The following ABCA4 variants were observed in gnomAD, a reference collection of about 807,000 sequenced individuals.
The protein encoded by ABCA4 is ATP binding cassette subfamily A member 4.
In ABCA4, 196 loss-of-function variants were observed where a neutral mutation model predicts 263.7. That is an observed-to-expected ratio of 0.74 (90% CI 0.66 to 0.84). The LOEUF (loss-of-function observed/expected upper bound fraction) is 0.84. ABCA4 is among the 40% of genes least tolerant of loss of function. The pLI is 0.00. For missense variants in ABCA4, 2,792 were observed against 2,855.1 expected, an observed-to-expected ratio of 0.98 and a Z score of 0.50; for synonymous variants, 1,133 against 1,094.2, an observed-to-expected ratio of 1.04 and a Z score of -0.70.
chr1:94,055,908 G>C (rs1660966396), intron 15 of ABCA4, among the ~76,000 whole-genome samples: 1 of 152,204 alleles, frequency 6.6e-6, no homozygotes, highest in East Asian at 1.9e-4. Flanking sequence ...CAGAGACAGG[G>C]AGACTCCGGA....
chr1:94,035,254 T>C (rs2101041050), intron 26 of ABCA4, among the ~76,000 whole-genome samples: 1 of 152,370 alleles, frequency 6.6e-6, no homozygotes, highest in South Asian at 2.1e-4. Context: ...TAAATTAGCA[T>C]ATTTTCATTC....
At chr1:94,047,229 G>T in intron 18 of ABCA4, 136 bp from the exon 19 acceptor site, 1 of 921,794 alleles carries the variant, frequency 1.1e-6, no homozygotes, top group Non-Finnish European at 1.7e-6. Flanking sequence ...TTGCAAGGAA[G>T]ACTCCAGAAT....
rs35998587 is a variant in ABCA4, at chr1:94,028,930, A to AAAAAAAAAC, written c.4539+514_4539+515insGTTTTTTTT. On this transcript the variant is annotated intron_variant, in intron 30 of 49. Coordinates refer to ENST00000370225, the MANE Select transcript of ABCA4 (RefSeq NM_000350.3). ...TCAAAAAAAAAAAAAAAAAAAAAAA[A>AAAAAAAAAC]GAAATTCAAACAATGGGATAATATA... 6.9e-4 allele frequency among the ~76,000 whole-genome samples: 75 copies of AAAAAAAAAC among 108,028 alleles called. 6 individuals are homozygous for AAAAAAAAAC. The highest frequency in any genetic ancestry group is 1.9e-3 in the African/African-American group (51 of 26,360). 70.9% of individuals were successfully genotyped at this position (108,028 alleles called of 152,430 possible). A position where few individuals can be genotyped will look rare whatever the true frequency, so the allele number is the denominator to read the frequency against.
At chr1:94,005,036 G>T (rs1039230336) in intron 44 of ABCA4, among the ~76,000 whole-genome samples, 1 of 152,138 alleles carries the variant, frequency 6.6e-6, no homozygotes, top group African/African-American at 2.4e-5. Context: ...TTGTGTGTCT[G>T]TACCATAAAT....
At chr1:94,052,347 T>C (rs188049367) in intron 16 of ABCA4, among the ~76,000 whole-genome samples, 6 of 152,376 alleles carry the variant, frequency 3.9e-5, no homozygotes, top group Admixed American at 3.9e-4. Context: ...TTGAAAGTTC[T>C]GCTCCCTACA....
intron 47 of ABCA4, among the ~76,000 whole-genome samples, chr1:94,000,501 A>G (rs1412943770): frequency 6.6e-6 from 1 of 152,192 alleles, no homozygotes; most frequent in Non-Finnish European, 1.5e-5. Flanking sequence ...TAAATAGGCC[A>G]CAGGTCCCGG....
chr1:94,009,709 C>G (rs770719019), intron 40 of ABCA4, among the ~76,000 whole-genome samples: 1 of 152,216 alleles, frequency 6.6e-6, no homozygotes, highest in Admixed American at 6.5e-5. Flanking sequence ...GTGTACTTCT[C>G]TGGTCCTCTT....
intron 5 of ABCA4, among the ~76,000 whole-genome samples, chr1:94,099,334 C>G (rs1662226856): frequency 6.6e-6 from 1 of 152,128 alleles, no homozygotes; most frequent in Admixed American, 6.5e-5. Context: ...CTGAAGGAGG[C>G]AGGAAAATGG....
chr1:94,082,047 C>A (rs923889170), intron 7 of ABCA4, among the ~76,000 whole-genome samples: 2 of 152,198 alleles, frequency 1.3e-5, no homozygotes, highest in Admixed American at 1.3e-4. Context: ...CTCTCTTTGT[C>A]CACATGCCAA....
chr1:94,095,898 A>T (rs1662113648), intron 6 of ABCA4, among the ~76,000 whole-genome samples: 1 of 150,990 alleles, frequency 6.6e-6, no homozygotes, highest in East Asian at 2.0e-4. Flanking sequence ...AGAGGAGAGC[A>T]GGTAGGGGTG....
intron 38 of ABCA4, among the ~76,000 whole-genome samples, chr1:94,013,126 TTAG>T (rs113886276): frequency 3.4e-4 from 52 of 152,358 alleles, no homozygotes; most frequent in African/African-American, 1.2e-3. Flanking sequence ...GTCTTAAGAC[TTAG>T]TGGGCTGTGA....
chr1:94,086,079 C>T (rs1661818578), intron 6 of ABCA4, among the ~76,000 whole-genome samples: 1 of 152,142 alleles, frequency 6.6e-6, no homozygotes, highest in East Asian at 1.9e-4. Flanking sequence ...TCCATGTAGA[C>T]AGAAATCATA....
In ABCA4 at chr1:94,080,575, C is replaced by A; in HGVS notation, c.1002G>T (p.Val334=). 2 of 1,614,164 alleles carry A rather than the reference C, an allele frequency of 1.2e-6. No individual in the cohort carries two copies. The highest frequency in any genetic ancestry group is 1.7e-6 in the Non-Finnish European group (2 of 1,180,030). ...CGYPEGGGSR[V]LSFNWYEDNN... ...TGTCTTCATACCAGTTGAAGGAGAGCACCCGAGAGCCACCTCCCTCGGGGT... is the reference window on the plus strand; with the variant it reads ...TGTCTTCATACCAGTTGAAGGAGAGAACCCGAGAGCCACCTCCCTCGGGGT... Residue 334 remains valine, a synonymous_variant, in exon 8 of 50, where the codon GTG becomes GTT. Transcript: ENST00000370225.
intron 4 of ABCA4, 150 bp from the exon 5 acceptor site, chr1:94,103,292 T>G (rs1471131533): frequency 4.0e-6 from 4 of 993,848 alleles, no homozygotes; most frequent in Admixed American, 1.9e-5. Flanking sequence ...GAGGTGAGGC[T>G]CTTGCCAGTG....
chr1:94,054,711 G>A (rs958344673), intron 16 of ABCA4, among the ~76,000 whole-genome samples: 1 of 152,200 alleles, frequency 6.6e-6, no homozygotes, highest in African/African-American at 2.4e-5. Context: ...GGATAATGAA[G>A]CAGCTTGGAG....
intron 14 of ABCA4, among the ~76,000 whole-genome samples, chr1:94,057,217 T>C (rs939196368): frequency 6.6e-6 from 1 of 152,204 alleles, no homozygotes; most frequent in Non-Finnish European, 1.5e-5. Context: ...TCCCTACCCC[T>C]CAGTGGGGCC....
At chr1:94,018,426 G>A in intron 36 of ABCA4, 1 of 374,498 alleles carries the variant, frequency 2.7e-6, no homozygotes, top group South Asian at 2.1e-5. Flanking sequence ...TCCTCCCCGT[G>A]CATTTATGAG....
intron 5 of ABCA4, 125 bp downstream of exon 5, chr1:94,102,890 T>C: frequency 7.3e-7 from 1 of 1,369,910 alleles, no homozygotes; most frequent in Non-Finnish European, 1.0e-6. Flanking sequence ...TACAAGGCAT[T>C]AAGTGATGGA....
chr1:94,014,361 GGAAGGAA>G (rs1357521924), intron 38 of ABCA4, among the ~76,000 whole-genome samples, 175 bp downstream of exon 38: 1 of 142,258 alleles, frequency 7.0e-6, no homozygotes, highest in African/African-American at 3.0e-5. Context: ...GAAGGAAAGA[GGAAGGAA>G]GGATGGGAGG....
Sources: allele counts gnomAD v4.1 joint callset (sites outside exome capture counted in the v4.1 genomes callset), GRCh38; gene constraint gnomAD v4.1.1; transcripts MANE v1.5; gene names NCBI Gene and HGNC (gene_info 2026-07-23, HGNC 2026-07-21).